Variants in TINAGL1 observed in about 807,000 individuals in gnomAD.
The protein encoded by TINAGL1 is tubulointerstitial nephritis antigen like 1, also known as tubulointerstitial nephritis antigen-like.
In TINAGL1, 34 loss-of-function variants were observed where a neutral mutation model predicts 62.0. That is an observed-to-expected ratio of 0.55 (90% CI 0.42 to 0.73). TINAGL1 has a LOEUF of 0.73. Ranked by LOEUF, TINAGL1 falls within the 30% of genes least tolerant of loss-of-function variation. The pLI is 0.00. For missense variants in TINAGL1, 516 were observed against 653.2 expected (o/e 0.79, Z 2.29); for synonymous variants, 221 against 249.7 (o/e 0.88, Z 1.08).
chr1:31,585,958 C>A lies in TINAGL1; in HGVS notation c.1217+82C>A. ...TGGAGCCTGCCTTGGGTTCTTACAA[C>A]CTCTCTAAAAAGCCAGGACTGCTCT... On this transcript the variant is annotated intron_variant, in intron 10 of 11. Transcript: ENST00000271064. The surrounding 1 kb of genome is among the most constrained non-coding windows in gnomAD (Gnocchi z 4.3). 6.8e-7 allele frequency: 1 copy of A among 1,460,258 alleles called. No individual in the cohort carries two copies. The highest frequency in any genetic ancestry group is 9.1e-7 in the Non-Finnish European group (1 of 1,101,414). The allele number at this position is 1,460,258 out of a possible 1,614,324, so 90.5% of individuals were successfully genotyped here. A position where few individuals can be genotyped will look rare whatever the true frequency, so the allele number is the denominator to read the frequency against.
Position 31,584,473 on chromosome 1 carries a change from C to T in TINAGL1, c.583-205C>T, listed in dbSNP as rs1406336631. On this transcript the variant is annotated intron_variant, in intron 5 of 11. Coordinates refer to ENST00000271064, the MANE Select transcript of TINAGL1 (RefSeq NM_022164.3). This position sits in a 1 kb window ranked among gnomAD's most constrained non-coding sequence, Gnocchi z 4.0. The stretch of plus-strand genomic sequence containing the variant: ...ACCACCGCCACCCCGCCCCGCCCCA[C>T]CACCTGATACCTGGGAGGCACTAAA... 4.5e-6 allele frequency: 3 copies of T among 672,102 alleles called. No individual in the cohort carries two copies. Among genetic ancestry groups the T allele is most frequent in the African/African-American group, 1.8e-5 (1 of 54,320 alleles). 41.6% of individuals were successfully genotyped at this position (672,102 alleles called of 1,614,324 possible). A position where few individuals can be genotyped will look rare whatever the true frequency, so the allele number is the denominator to read the frequency against.
In TINAGL1 at chr1:31,579,010, G is replaced by C. The variant is rs1481560092; in HGVS notation, c.311-194G>C. Among the ~76,000 whole-genome samples the C allele has an allele frequency of 1.1e-4, 17 of 148,700 alleles. 3 individuals carry two copies. The highest frequency in any genetic ancestry group is 3.5e-4 in the African/African-American group (14 of 40,454). On this transcript the variant is annotated intron_variant, in intron 2 of 11. Transcript: ENST00000271064. ...TTTTAGTGACAGCTGGTGTGTGTGT[G>C]TGTGTGTGTGTGTGATGTCTTCAGT...
At chr1:31,582,049 G>A (rs958707114) in intron 3 of TINAGL1, among the ~76,000 whole-genome samples, 1 of 152,206 alleles carries the variant, frequency 6.6e-6, no homozygotes, top group Non-Finnish European at 1.5e-5. Flanking sequence ...ATATAAACAG[G>A]CCGGGCCTGT....
intron 3 of TINAGL1, 136 bp downstream of exon 3, chr1:31,579,403 TA>T: frequency 2.7e-6 from 2 of 733,166 alleles, no homozygotes; most frequent in Non-Finnish European, 2.4e-6. Flanking sequence ...TCATCTGCAA[TA>T]GAGGAATTTT....
At position 31,585,329 on chromosome 1, in the gene TINAGL1, C is replaced by T; in HGVS notation, c.1036C>T (p.Leu346Phe). The T allele has an allele frequency of 6.2e-7, 1 of 1,605,012 alleles. No individual in the cohort carries two copies. Among genetic ancestry groups the T allele is most frequent in the Non-Finnish European group, 8.5e-7 (1 of 1,174,458 alleles). The change falls in exon 8 of 12, where the codon CTC (leucine) becomes TTC (phenylalanine). Residue 346 changes from leucine to phenylalanine, a missense_variant. Leu to Phe is a conservative substitution (Grantham distance 22). Coordinates refer to ENST00000271064, the MANE Select transcript of TINAGL1 (RefSeq NM_022164.3). The surrounding 1 kb of genome is among the most constrained non-coding windows in gnomAD (Gnocchi z 4.3). ...DIYQVTPVYR[L>F]GSNDKEIMKE... ...CTACCAGGTCACTCCTGTCTACCGCCTCGGCTCCAACGTAAGTCAGCACTT... is the reference window on the plus strand; with the variant it reads ...CTACCAGGTCACTCCTGTCTACCGCTTCGGCTCCAACGTAAGTCAGCACTT...
Position 31,584,522 on chromosome 1 carries a change from G to A in TINAGL1, c.583-156G>A. Reference sequence around the variant, plus strand: ...AATGGTGCTTGGTTCTTCAACACAAGTCAAAATTGGAGGCAGCTGGAATCC... The same window carrying A: ...AATGGTGCTTGGTTCTTCAACACAAATCAAAATTGGAGGCAGCTGGAATCC... On this transcript the variant is annotated intron_variant, in intron 5 of 11. Transcript: ENST00000271064. The surrounding 1 kb of genome is among the most constrained non-coding windows in gnomAD (Gnocchi z 4.0). 3 of 1,220,146 alleles carry A rather than the reference G, an allele frequency of 2.5e-6. No homozygotes were observed. Among genetic ancestry groups the A allele is most frequent in the Non-Finnish European group, 3.4e-6 (3 of 870,944 alleles). 75.6% of individuals were successfully genotyped at this position (1,220,146 alleles called of 1,614,324 possible).
At position 31,585,534 on chromosome 1, in the gene TINAGL1, G is replaced by T. The variant is rs925328844; in HGVS notation, c.1093+49G>T. Reference sequence around the variant, plus strand: ...TGGTTCCAGAAGCTTGTGCCTGCTTGAGAGTGGGCACAGTAGCACAAGTGG... The same window carrying T: ...TGGTTCCAGAAGCTTGTGCCTGCTTTAGAGTGGGCACAGTAGCACAAGTGG... On this transcript the variant is annotated intron_variant, in intron 9 of 11. Transcript: ENST00000271064. This position sits in a 1 kb window ranked among gnomAD's most constrained non-coding sequence, Gnocchi z 4.3. 3.7e-6 allele frequency: 6 copies of T among 1,608,992 alleles called. No individual in the cohort carries two copies. The highest frequency in any genetic ancestry group is 5.1e-6 in the Non-Finnish European group (6 of 1,176,588).
chr1:31,577,745 G>C lies in TINAGL1; in HGVS notation c.310+287G>C. On this transcript the variant is annotated intron_variant, in intron 2 of 11. Coordinates refer to ENST00000271064, the MANE Select transcript of TINAGL1 (RefSeq NM_022164.3). The surrounding 1 kb of genome is among the most constrained non-coding windows in gnomAD (Gnocchi z 5.4). ...GCCGCACCTGCTGACTCACTCTTGG[G>C]CTGATAAGGCACATATGGGTTGGTG... The C allele has an allele frequency of 2.3e-6, 1 of 432,814 alleles. No homozygotes were observed. The highest frequency in any genetic ancestry group is 4.1e-6 in the Non-Finnish European group (1 of 244,190). 26.8% of individuals were successfully genotyped at this position (432,814 alleles called of 1,614,324 possible). A position where few individuals can be genotyped will look rare whatever the true frequency, so the allele number is the denominator to read the frequency against.
Position 31,577,520 on chromosome 1 carries a change from A to C in TINAGL1, c.310+62A>C. On this transcript the variant is annotated intron_variant, in intron 2 of 11. Coordinates refer to ENST00000271064, the MANE Select transcript of TINAGL1 (RefSeq NM_022164.3). The surrounding 1 kb of genome is among the most constrained non-coding windows in gnomAD (Gnocchi z 5.4). ...GTCCACCTCAGACTCAGCAAGGCTC[A>C]AGAGCAAAGCTGATGGATGCACTGA... 1 of 1,519,668 alleles carries C rather than the reference A, an allele frequency of 6.6e-7. No individual in the cohort carries two copies. The highest frequency in any genetic ancestry group is 8.9e-7 in the Non-Finnish European group (1 of 1,121,036). The allele number at this position is 1,519,668 out of a possible 1,614,324, so 94.1% of individuals were successfully genotyped here.
Position 31,578,942 on chromosome 1 carries a change from TATGTGTGTG to T in TINAGL1, c.311-261_311-253del, listed in dbSNP as rs1557555913. Reference sequence around the variant, plus strand: ...TGGCTTCAATTTCAGTGAGAGCTGGTATGTGTGTGTGTGTGTGTGTGATGCCTTCAGTTA... The same window carrying T: ...TGGCTTCAATTTCAGTGAGAGCTGGTTGTGTGTGTGTGATGCCTTCAGTTA... On this transcript the variant is annotated intron_variant, in intron 2 of 11. Transcript: ENST00000271064. Among the ~76,000 whole-genome samples the T allele has an allele frequency of 2.3e-3, 191 of 83,868 alleles. 43 individuals are homozygous for T. Among genetic ancestry groups the T allele is most frequent in the African/African-American group, 9.0e-3 (174 of 19,342 alleles). 55.0% of individuals were successfully genotyped at this position (83,868 alleles called of 152,430 possible).
chr1:31,579,168 T>G, intron 2 of TINAGL1, 36 bp from the exon 3 acceptor site: 1 of 1,590,674 alleles, frequency 6.3e-7, no homozygotes, highest in South Asian at 1.1e-5. Context: ...TCCTCTCTGG[T>G]TCTGGTTCCA....
At position 31,583,583 on chromosome 1, in the gene TINAGL1, C is replaced by T; in HGVS notation, c.582+8C>T. 6.2e-7 allele frequency: 1 copy of T among 1,605,454 alleles called. No homozygotes were observed. The highest frequency in any genetic ancestry group is 8.5e-7 in the Non-Finnish European group (1 of 1,175,554). Reference sequence around the variant, plus strand: ...AACATGCATGAAATTTATGTAAGTCCATCCTTCCCCACAATGCTGCCATCT... The same window carrying T: ...AACATGCATGAAATTTATGTAAGTCTATCCTTCCCCACAATGCTGCCATCT... On this transcript the variant is annotated splice_region_variant and intron_variant, in intron 5 of 11. Coordinates refer to ENST00000271064, the MANE Select transcript of TINAGL1 (RefSeq NM_022164.3). This position sits in a 1 kb window ranked among gnomAD's most constrained non-coding sequence, Gnocchi z 4.4.
At position 31,587,196 on chromosome 1, in the gene TINAGL1, C is replaced by T. The variant is rs897339882; in HGVS notation, c.*217C>T. ...GAGCCCCCAGACCTCCCAGTGGGGA[C>T]GGGGCAGGGCCTGGCCTGGGAAGAG... On this transcript the variant is annotated 3_prime_UTR_variant, in exon 12 of 12. Coordinates refer to ENST00000271064, the MANE Select transcript of TINAGL1 (RefSeq NM_022164.3). 1.2e-5 allele frequency: 7 copies of T among 606,734 alleles called. No individual in the cohort carries two copies. In the Admixed American group the frequency reaches 1.3e-4, roughly 12 times the overall value. 37.6% of individuals were successfully genotyped at this position (606,734 alleles called of 1,614,324 possible).
At chr1:31,578,815 C>T (rs1461019112) in intron 2 of TINAGL1, among the ~76,000 whole-genome samples, 1 of 132,372 alleles carries the variant, frequency 7.6e-6, no homozygotes, top group Non-Finnish European at 1.6e-5. Flanking sequence ...AGTTTAATTT[C>T]AGTGAGAGCT....
In TINAGL1 at chr1:31,583,633, T is replaced by G. The variant is rs866815336; in HGVS notation, c.582+58T>G. ...TCCCCATGGCTCAGAACCTCAGGGA[T>G]GCTGGCCCTGTGCCCTGCTCCTCCA... On this transcript the variant is annotated intron_variant, in intron 5 of 11. Transcript: ENST00000271064. This position sits in a 1 kb window ranked among gnomAD's most constrained non-coding sequence, Gnocchi z 4.4. 1 of 1,455,948 alleles carries G rather than the reference T, an allele frequency of 6.9e-7. No homozygotes were observed. The highest frequency in any genetic ancestry group is 1.7e-4 in the Middle Eastern group (1 of 5,846). The allele number at this position is 1,455,948 out of a possible 1,614,324, so 90.2% of individuals were successfully genotyped here.
chr1:31,580,237 G>A, intron 3 of TINAGL1: 1 of 484,936 alleles, frequency 2.1e-6, no homozygotes, highest in Admixed American at 8.2e-5. Flanking sequence ...GTCTCTCTCT[G>A]TCTCTCTCTC....
chr1:31,580,048 G>A (rs572201647), intron 3 of TINAGL1, among the ~76,000 whole-genome samples: 4 of 146,976 alleles, frequency 2.7e-5, no homozygotes, highest in Admixed American at 6.8e-5. Flanking sequence ...GGTGTTCAGC[G>A]TGACTGTGTG....
chr1:31,580,374 G>A lies in TINAGL1; in HGVS notation c.374+1107G>A, dbSNP rs796731104. 55 of 1,288,652 alleles carry A rather than the reference G, an allele frequency of 4.3e-5. No homozygotes were observed. In the African/African-American group the frequency reaches 8.2e-4, roughly 19 times the overall value. 79.8% of individuals were successfully genotyped at this position (1,288,652 alleles called of 1,614,324 possible). A position where few individuals can be genotyped will look rare whatever the true frequency, so the allele number is the denominator to read the frequency against. On this transcript the variant is annotated intron_variant, in intron 3 of 11. Coordinates refer to ENST00000271064, the MANE Select transcript of TINAGL1 (RefSeq NM_022164.3). ...CTGGGGGCAAAGGAGGAGATGGCAG[G>A]AAAGGACAGAACAGTCTACTGCCCT...
intron 10 of TINAGL1, chr1:31,586,352 C>T (rs908228112): frequency 8.6e-6 from 4 of 462,522 alleles, no homozygotes; most frequent in Non-Finnish European, 1.6e-5. Context: ...CCTTCTGGCC[C>T]TTGGCACCTA....
Sources: allele counts gnomAD v4.1 joint callset (sites outside exome capture counted in the v4.1 genomes callset), GRCh38; gene constraint gnomAD v4.1.1; non-coding constraint Gnocchi (gnomAD v3.1); transcripts MANE v1.5; gene names NCBI Gene and HGNC (gene_info 2026-07-23, HGNC 2026-07-21).